The following MGAT4D variants were observed in gnomAD, a reference collection of about 807,000 sequenced individuals.
MGAT4D encodes alpha-1,3-mannosyl-glycoprotein 4-beta-N-acetylglucosaminyltransferase-like protein MGAT4D.
A neutral mutation model predicts 15.9 loss-of-function variants in MGAT4D; 34 were observed. The ratio of observed to expected loss-of-function variants is 2.14; its 90% CI spans 1.62 to 2.84. MGAT4D has a LOEUF of 2.84. Ranked by LOEUF, MGAT4D falls within the 30% of genes most tolerant of loss-of-function variation. The pLI, the probability that MGAT4D is intolerant of heterozygous loss-of-function variation, is 0.00. For missense variants in MGAT4D, 327 were observed against 140.2 expected, an observed-to-expected ratio of 2.33 and a Z score of -6.73; for synonymous variants, 112 against 48.2, an observed-to-expected ratio of 2.33 and a Z score of -5.49.
At chr4:140,454,527 T>A (rs1251381933) in intron 9 of MGAT4D, among the ~76,000 whole-genome samples, 2 of 152,204 alleles carry the variant, frequency 1.3e-5, no homozygotes, top group Non-Finnish European at 2.9e-5. Flanking sequence ...GATTTTTCTG[T>A]CTATATACTT....
intron 9 of MGAT4D, among the ~76,000 whole-genome samples, chr4:140,452,464 A>G (rs1421813625): frequency 6.6e-6 from 1 of 152,190 alleles, no homozygotes. Context: ...TTGAGGAGTT[A>G]CAGTTTAGCA....
chr4:140,457,255 T>G (rs555874408), intron 8 of MGAT4D: 3 of 152,034 alleles, frequency 2.0e-5, no homozygotes. Flanking sequence ...GGTCTAATAG[T>G]TTTTTTCTTA....
At chr4:140,469,662 T>A (rs1165977415) in intron 5 of MGAT4D, among the ~76,000 whole-genome samples, 1 of 152,202 alleles carries the variant, frequency 6.6e-6, no homozygotes, top group Non-Finnish European at 1.5e-5. Context: ...CACTTCTTGA[T>A]TGTTTTGCCC....
intron 3 of MGAT4D, among the ~76,000 whole-genome samples, chr4:140,475,705 T>G: frequency 6.9e-6 from 1 of 144,522 alleles, no homozygotes; most frequent in South Asian, 2.3e-4. Flanking sequence ...TTCAGGGCCC[T>G]GATAAACTGA....
At chr4:140,454,619 G>A (rs528436761) in intron 9 of MGAT4D, among the ~76,000 whole-genome samples, 2 of 152,206 alleles carry the variant, frequency 1.3e-5, no homozygotes, top group Non-Finnish European at 2.9e-5. Context: ...TTCATGAAAA[G>A]AATTGGGATG....
rs544038016 is a variant in MGAT4D at position 140,455,181 on chromosome 4, A to G, written c.1008+1408T>C. Reference sequence around the variant, plus strand: ...TAGAAGTGGAGATTATGAATATGAGATCTTTCTTCTCTTCTAAGATATAGA... The same window carrying G: ...TAGAAGTGGAGATTATGAATATGAGGTCTTTCTTCTCTTCTAAGATATAGA... On this transcript the variant is annotated intron_variant, in intron 9 of 10. Transcript: ENST00000511113. Among the ~76,000 whole-genome samples, 79 of 151,852 alleles carry G rather than the reference A, an allele frequency of 5.2e-4. 1 individual carries two copies. The highest frequency in any genetic ancestry group is 1.8e-3 in the African/African-American group (76 of 41,408).
intron 9 of MGAT4D, 65 bp downstream of exon 9, chr4:140,456,524 G>T: frequency 2.1e-6 from 1 of 477,720 alleles, no homozygotes; most frequent in Non-Finnish European, 3.7e-6. Context: ...ACAAATTTTA[G>T]GTAATTACGT....
intron 1 of MGAT4D, among the ~76,000 whole-genome samples, chr4:140,489,639 T>A (rs192314571): frequency 3.9e-5 from 6 of 152,342 alleles, no homozygotes; most frequent in Admixed American, 2.6e-4. Flanking sequence ...CTTGCTTCTT[T>A]AGCTCAATTT....
intron 1 of MGAT4D, among the ~76,000 whole-genome samples, chr4:140,495,314 ACTTTC>A (rs1320104548): frequency 6.6e-6 from 1 of 152,154 alleles, no homozygotes; most frequent in African/African-American, 2.4e-5. Flanking sequence ...TTAAAACAGC[ACTTTC>A]CTTTCCCTAA....
intron 1 of MGAT4D, 121 bp downstream of exon 1, chr4:140,498,008 G>GGGC: frequency 1.8e-6 from 1 of 543,832 alleles, no homozygotes; most frequent in Non-Finnish European, 3.2e-6. Flanking sequence ...GTGCCAGCGC[G>GGGC]GGCGGCCGCC....
In MGAT4D at chr4:140,461,915, AC is replaced by A. The variant is rs1560774492; in HGVS notation, c.762+13del. 6 of 696,628 alleles carry A rather than the reference AC, an allele frequency of 8.6e-6. No homozygotes were observed. The highest frequency in any genetic ancestry group is 5.3e-5 in the African/African-American group (3 of 56,894). 43.2% of individuals were successfully genotyped at this position (696,628 alleles called of 1,614,324 possible). On this transcript the variant is annotated intron_variant, in intron 7 of 10. Transcript: ENST00000511113. ...CACACACACACACACACACACACAC[AC>A]ACAATTTCTGACCTGTAAATAATAC...
intron 8 of MGAT4D, chr4:140,457,487 A>G: frequency 6.6e-6 from 1 of 152,184 alleles, no homozygotes; most frequent in East Asian, 1.9e-4. Context: ...TTTATGTAGT[A>G]ACCAAAGCAA....
chr4:140,459,947 G>A (rs1309319142), intron 7 of MGAT4D, among the ~76,000 whole-genome samples: 1 of 151,830 alleles, frequency 6.6e-6, no homozygotes, highest in South Asian at 2.1e-4. Flanking sequence ...TGCCCAGGCT[G>A]GTTTCGAATT....
At chr4:140,449,143 A>G (rs375614276) in intron 10 of MGAT4D, among the ~76,000 whole-genome samples, 1 of 152,224 alleles carries the variant, frequency 6.6e-6, no homozygotes, top group African/African-American at 2.4e-5. Flanking sequence ...TAGCTTATCA[A>G]TTAAGCAAAA....
At chr4:140,446,947 T>C (rs779594690) in intron 10 of MGAT4D, among the ~76,000 whole-genome samples, 45 of 151,924 alleles carry the variant, frequency 3.0e-4, no homozygotes, top group Admixed American at 2.0e-4. Context: ...ATTTCTGCCT[T>C]AATTTCATTA....
intron 1 of MGAT4D, among the ~76,000 whole-genome samples, chr4:140,486,521 T>C (rs1490661401): frequency 6.6e-6 from 1 of 152,084 alleles, no homozygotes; most frequent in Non-Finnish European, 1.5e-5. Context: ...CCCCGGTGTG[T>C]GATGTTCCCC....
At chr4:140,470,673 C>A (rs17006005) in intron 5 of MGAT4D, among the ~76,000 whole-genome samples, 24,492 of 152,140 alleles carry the variant, frequency 0.16, 2,327 homozygotes, top group East Asian at 0.41. Flanking sequence ...CCTTCCTCAG[C>A]AATTCTATTT....
At chr4:140,454,438 A>G (rs1730668429) in intron 9 of MGAT4D, among the ~76,000 whole-genome samples, 1 of 152,128 alleles carries the variant, frequency 6.6e-6, no homozygotes, top group Non-Finnish European at 1.5e-5. Flanking sequence ...CCAGTTTTGT[A>G]TTCATAGGAT....
chr4:140,459,547 CAATT>C lies in MGAT4D; in HGVS notation c.838_841del (p.Asn280GlyfsTer12), dbSNP rs1161280447. 1.2e-5 allele frequency: 6 copies of C among 508,632 alleles called. No homozygotes were observed. Among genetic ancestry groups the C allele is most frequent in the Non-Finnish European group, 2.1e-5 (6 of 287,186 alleles). The allele number at this position is 508,632 out of a possible 1,614,324, so 31.5% of individuals were successfully genotyped here. ...AAGCATTGAAAACTCAATAAAAAAC[CAATT>C]ATTTGAACTGATATTACCTACAAAA... On this transcript the variant is annotated frameshift_variant, in exon 8 of 11. Transcript: ENST00000511113. LOFTEE classifies it high-confidence loss of function.
Sources: gnomAD v4.1 joint callset for allele counts (sites outside exome capture counted in the v4.1 genomes callset) on GRCh38, gnomAD v4.1.1 for gene constraint, MANE v1.5 for transcripts, NCBI Gene and HGNC (gene_info 2026-07-23, HGNC 2026-07-21) for gene names.